The following COMMD1 variants were observed in gnomAD, a reference collection of about 807,000 sequenced individuals.
COMMD1 encodes copper metabolism domain containing 1.
A neutral mutation model predicts 17.2 loss-of-function variants in COMMD1; 10 were observed. That is an observed-to-expected ratio of 0.58 (90% CI 0.36 to 0.99). The LOEUF is 0.99. Among genes scored for constraint, COMMD1 ranks in the 50% least tolerant of loss-of-function variants. COMMD1 has a pLI of 0.01. For synonymous variants in COMMD1, 97 were observed against 91.6 expected, an observed-to-expected ratio of 1.06 and a Z score of -0.34; for missense variants, 270 against 231.8, an observed-to-expected ratio of 1.17 and a Z score of -1.07.
intron 1 of COMMD1, among the ~76,000 whole-genome samples, chr2:61,941,029 T>G (rs998434224): frequency 4.1e-5 from 6 of 147,770 alleles, no homozygotes; most frequent in Admixed American, 6.7e-5. Context: ...CCCTTTTTTT[T>G]GTTAATAACC....
chr2:62,060,356 A>G (rs1016512073), intron 2 of COMMD1, among the ~76,000 whole-genome samples: 11 of 152,042 alleles, frequency 7.2e-5, no homozygotes, highest in Non-Finnish European at 1.3e-4. Context: ...AAATAAAACA[A>G]TACCATTTCA....
intron 2 of COMMD1, among the ~76,000 whole-genome samples, chr2:62,081,547 G>A (rs1431136737): frequency 6.6e-6 from 1 of 152,006 alleles, no homozygotes; most frequent in Non-Finnish European, 1.5e-5. Flanking sequence ...ACCGTGCCTG[G>A]CCCAATCTAG....
intron 2 of COMMD1, among the ~76,000 whole-genome samples, chr2:62,105,822 T>G (rs1485000539): frequency 4.0e-5 from 6 of 151,018 alleles, no homozygotes; most frequent in African/African-American, 1.5e-4. Context: ...AAACTCTGTC[T>G]CAAAATAAAA....
At chr2:62,104,602 C>G (rs866829004) in intron 2 of COMMD1, among the ~76,000 whole-genome samples, 3 of 143,734 alleles carry the variant, frequency 2.1e-5, no homozygotes, top group South Asian at 2.2e-4. Flanking sequence ...CCACTGTACT[C>G]CAGCCTGGGC....
intron 1 of COMMD1, among the ~76,000 whole-genome samples, chr2:61,893,280 T>C (rs1056773975): frequency 1.9e-4 from 29 of 152,096 alleles, no homozygotes; most frequent in African/African-American, 6.8e-4. Flanking sequence ...GTTAACATTT[T>C]TGTTACTTTC....
At chr2:61,914,479 A>G (rs1669998301) in intron 1 of COMMD1, among the ~76,000 whole-genome samples, 1 of 151,818 alleles carries the variant, frequency 6.6e-6, no homozygotes, top group Admixed American at 6.6e-5. Flanking sequence ...AGGCTGAGGC[A>G]GGAGAATTGC....
intron 1 of COMMD1, among the ~76,000 whole-genome samples, chr2:61,971,942 G>A (rs1457176626): frequency 6.6e-6 from 1 of 152,068 alleles, no homozygotes; most frequent in East Asian, 1.9e-4. Flanking sequence ...GCAATATAGT[G>A]AGACTTCATC....
intron 2 of COMMD1, among the ~76,000 whole-genome samples, chr2:62,112,198 G>A (rs1672474142): frequency 6.6e-6 from 1 of 152,126 alleles, no homozygotes; most frequent in African/African-American, 2.4e-5. Context: ...GAGTGCAGTG[G>A]GTGGTCATGT....
At chr2:61,905,659 G>T, upstream of COMMD1, 1 of 1,530,644 alleles carries the variant, frequency 6.5e-7, no homozygotes, top group East Asian at 2.4e-5. Flanking sequence ...AGCTGTTGCG[G>T]GGCGGGGCCT....
intron 1 of COMMD1, among the ~76,000 whole-genome samples, chr2:61,946,938 T>C (rs1670922324): frequency 6.6e-6 from 1 of 152,208 alleles, no homozygotes; most frequent in South Asian, 2.1e-4. Flanking sequence ...TTATTGCTTC[T>C]AGTAGTTTTG....
chr2:62,135,833 A>G lies in COMMD1; in HGVS notation c.465A>G (p.Glu155=). 6.8e-7 allele frequency: 1 copy of G among 1,477,286 alleles called. No homozygotes were observed. Among genetic ancestry groups the G allele is most frequent in the Non-Finnish European group, 9.5e-7 (1 of 1,054,726 alleles). 91.5% of individuals were successfully genotyped at this position (1,477,286 alleles called of 1,614,324 possible). A position where few individuals can be genotyped will look rare whatever the true frequency, so the allele number is the denominator to read the frequency against. ...IELELGKYGQ[E]SEFLCLEFDE... Reference sequence around the variant, plus strand: ...AAATATCCTTTTATGTTTTCCAGGAATCTGAATTTCTGTGTTTGGAATTTG... The same window carrying G: ...AAATATCCTTTTATGTTTTCCAGGAGTCTGAATTTCTGTGTTTGGAATTTG... The change falls in exon 3 of 3, where the codon GAA becomes GAG. Residue 155 remains glutamate (E), a splice_region_variant and synonymous_variant. Coordinates refer to ENST00000311832, the MANE Select transcript of COMMD1 (RefSeq NM_152516.4).
intron 1 of COMMD1, among the ~76,000 whole-genome samples, chr2:61,934,632 G>A (rs1670557124): frequency 6.6e-6 from 1 of 152,122 alleles, no homozygotes; most frequent in African/African-American, 2.4e-5. Flanking sequence ...TTCAATGGTA[G>A]GCTGTCATGA....
chr2:62,134,496 TA>T (rs1397655674), intron 2 of COMMD1, among the ~76,000 whole-genome samples: 1 of 151,910 alleles, frequency 6.6e-6, no homozygotes, highest in African/African-American at 2.4e-5. Context: ...TCTCTCAAGA[TA>T]ATGCAGATGT....
chr2:62,094,180 C>T (rs893586776), intron 2 of COMMD1, among the ~76,000 whole-genome samples: 6 of 152,024 alleles, frequency 3.9e-5, no homozygotes, highest in East Asian at 1.9e-4. Flanking sequence ...AAGGGGGAGC[C>T]GGGTAGCAGG....
At chr2:62,096,936 G>C (rs1472794430) in intron 2 of COMMD1, among the ~76,000 whole-genome samples, 1 of 152,216 alleles carries the variant, frequency 6.6e-6, no homozygotes, top group African/African-American at 2.4e-5. Context: ...TTTAGTATTT[G>C]AGAAAAATAA....
intron 2 of COMMD1, among the ~76,000 whole-genome samples, chr2:62,062,990 G>A (rs1396026553): frequency 4.0e-5 from 6 of 151,884 alleles, no homozygotes; most frequent in African/African-American, 1.5e-4. Context: ...AGGCCGAGGC[G>A]GGTGGATAAT....
intron 1 of COMMD1, among the ~76,000 whole-genome samples, chr2:61,950,737 GCTA>G (rs1671029932): frequency 6.6e-6 from 1 of 152,292 alleles, no homozygotes; most frequent in East Asian, 1.9e-4. Flanking sequence ...AACTGAGAAG[GCTA>G]CTAAGTGACC....
chr2:62,113,188 AT>A (rs1472748948), intron 2 of COMMD1, among the ~76,000 whole-genome samples: 1 of 149,610 alleles, frequency 6.7e-6, no homozygotes, highest in African/African-American at 2.5e-5. Flanking sequence ...CTACAAAAAA[AT>A]TAAAAAAAAA....
intron 2 of COMMD1, among the ~76,000 whole-genome samples, chr2:62,050,774 T>G (rs753086653): frequency 1.2e-4 from 19 of 152,192 alleles, no homozygotes; most frequent in Non-Finnish European, 1.9e-4. Context: ...TTGATTTTGT[T>G]TCTCCTTGAA....
Sources: gnomAD v4.1 joint callset for allele counts (sites outside exome capture counted in the v4.1 genomes callset) on GRCh38, gnomAD v4.1.1 for gene constraint, MANE v1.5 for transcripts, NCBI Gene and HGNC (gene_info 2026-07-23, HGNC 2026-07-21) for gene names.